Variants in ABCD3 observed in about 807,000 individuals in gnomAD.
The protein encoded by ABCD3 is ATP binding cassette subfamily D member 3, also known as ATP-binding cassette sub-family D member 3.
A neutral mutation model predicts 105.5 loss-of-function variants in ABCD3; 41 were observed. The observed-to-expected ratio is 0.39, with a 90% CI of 0.30 to 0.50. The LOEUF (loss-of-function observed/expected upper bound fraction) is 0.50, where lower values mean the gene tolerates loss of function less well. Ranked by LOEUF, ABCD3 falls within the 20% of genes least tolerant of loss-of-function variation. The pLI is 0.84. For missense variants in ABCD3, 622 were observed against 806.3 expected (o/e 0.77, Z 2.77); for synonymous variants, 258 against 269.0 (o/e 0.96, Z 0.40).
At chr1:94,409,172 A>C in the ABCD3 span, among the ~76,000 whole-genome samples, 8 of 152,196 alleles carry the variant, frequency 5.3e-5, no homozygotes, top group African/African-American at 1.9e-4. Flanking sequence ...CAGCGTGATT[A>C]TAGTAAAAAA....
intron 20 of ABCD3, among the ~76,000 whole-genome samples, chr1:94,505,875 CAG>C (rs1650327207): frequency 6.6e-6 from 1 of 152,160 alleles, no homozygotes; most frequent in East Asian, 1.9e-4. Context: ...GAGATCTTGT[CAG>C]GGGGCAGATG....
chr1:94,458,861 G>A (rs112965741), intron 2 of ABCD3, among the ~76,000 whole-genome samples: 6 of 152,002 alleles, frequency 3.9e-5, no homozygotes, highest in African/African-American at 1.4e-4. Context: ...AGCCCATGAT[G>A]ATATTAGTTT....
intron 16 of ABCD3, among the ~76,000 whole-genome samples, chr1:94,492,477 T>C (rs564270174): frequency 6.6e-6 from 1 of 152,306 alleles, no homozygotes; most frequent in African/African-American, 2.4e-5. Context: ...TCTATCGTTA[T>C]CATATTTATT....
At chr1:94,452,835 CAAGT>C (rs1378041886) in intron 1 of ABCD3, among the ~76,000 whole-genome samples, 1 of 152,068 alleles carries the variant, frequency 6.6e-6, no homozygotes, top group African/African-American at 2.4e-5. Flanking sequence ...CTCCCAGGTT[CAAGT>C]GATTCTCATG....
At chr1:94,430,430 A>G (rs1254653477) in intron 1 of ABCD3, among the ~76,000 whole-genome samples, 1 of 152,168 alleles carries the variant, frequency 6.6e-6, no homozygotes, top group African/African-American at 2.4e-5. Context: ...CTCATCTTGA[A>G]TTCCCAGTGT....
chr1:94,437,609 G>C (rs999562312), intron 1 of ABCD3, among the ~76,000 whole-genome samples: 1 of 152,214 alleles, frequency 6.6e-6, no homozygotes, highest in East Asian at 1.9e-4. Context: ...GATTAATGTT[G>C]TTTTCATGAC....
At chr1:94,490,005 A>G (rs558987767) in intron 15 of ABCD3, 30 bp downstream of exon 15, 5 of 1,578,874 alleles carry the variant, frequency 3.2e-6, no homozygotes, top group African/African-American at 2.7e-5. Context: ...TTTTAGCACC[A>G]TAAATGTTTG....
chr1:94,464,125 AATTT>A (rs1262654382), intron 2 of ABCD3, among the ~76,000 whole-genome samples: 5 of 151,928 alleles, frequency 3.3e-5, no homozygotes, highest in African/African-American at 1.2e-4. Context: ...TGTCTGTAAT[AATTT>A]ATTTATTGGT....
chr1:94,456,090 A>G (rs980968533), intron 1 of ABCD3, among the ~76,000 whole-genome samples: 2 of 151,084 alleles, frequency 1.3e-5, no homozygotes, highest in Non-Finnish European at 2.9e-5. Context: ...ATTTCCCCCA[A>G]CCCCTGAGCC....
At chr1:94,407,311 C>T in the ABCD3 span, among the ~76,000 whole-genome samples, 1 of 151,862 alleles carries the variant, frequency 6.6e-6, no homozygotes, top group African/African-American at 2.4e-5. Context: ...CCACCATGCC[C>T]GGCTAATTTT....
the ABCD3 span, among the ~76,000 whole-genome samples, chr1:94,402,895 T>G: frequency 6.6e-6 from 1 of 151,804 alleles, no homozygotes; most frequent in Non-Finnish European, 1.5e-5. Flanking sequence ...GCTGGTGCGC[T>G]GCACCCATTA....
At chr1:94,435,936 G>A (rs888331819) in intron 1 of ABCD3, among the ~76,000 whole-genome samples, 1 of 152,186 alleles carries the variant, frequency 6.6e-6, no homozygotes, top group Non-Finnish European at 1.5e-5. Flanking sequence ...TTGGACCAAT[G>A]GGAGCCTCTT....
the ABCD3 span, among the ~76,000 whole-genome samples, chr1:94,391,483 A>C: frequency 6.6e-6 from 1 of 152,232 alleles, no homozygotes; most frequent in South Asian, 2.1e-4. Flanking sequence ...CATCACTCTA[A>C]CAGGCCTGCC....
At position 94,478,281 on chromosome 1, in the gene ABCD3, A is replaced by T. The variant is rs772216308; in HGVS notation, c.650A>T (p.Tyr217Phe). 6.2e-7 allele frequency: 1 copy of T among 1,601,748 alleles called. No individual in the cohort carries two copies. The highest frequency in any genetic ancestry group is 8.5e-7 in the Non-Finnish European group (1 of 1,170,818). The change falls in exon 8 of 23, where the codon TAT (tyrosine) becomes TTT (phenylalanine). Residue 217 changes from tyrosine (Y) to phenylalanine (F), a missense_variant. By Grantham distance (22) the Tyr-to-Phe change is conservative. This residue lies in a region of ABCD3 where 245 missense variants were observed against 356.4 expected (regional missense o/e 0.69). Transcript: ENST00000370214. ...CAGCCATTTTTAGACATAGTTTTGTATATCTTTAAGTTAACGAGTGCAATT... is the reference window on the plus strand; with the variant it reads ...CAGCCATTTTTAGACATAGTTTTGTTTATCTTTAAGTTAACGAGTGCAATT... ...LSKPFLDIVL[Y>F]IFKLTSAIGA...
At chr1:94,500,507 A>G (rs1305357627) in intron 20 of ABCD3, among the ~76,000 whole-genome samples, 6 of 152,172 alleles carry the variant, frequency 3.9e-5, no homozygotes, top group Admixed American at 6.5e-5. Flanking sequence ...AAGAGGGGCA[A>G]CTTCATAAAG....
intron 20 of ABCD3, among the ~76,000 whole-genome samples, chr1:94,500,628 C>G (rs2101044329): frequency 6.6e-6 from 1 of 152,170 alleles, no homozygotes; most frequent in South Asian, 2.1e-4. Context: ...GGAAAGAAAG[C>G]AAAAGAAATT....
intron 16 of ABCD3, among the ~76,000 whole-genome samples, chr1:94,496,338 G>A (rs1322880884): frequency 6.6e-6 from 1 of 152,102 alleles, no homozygotes; most frequent in East Asian, 1.9e-4. Context: ...AAGTCATACA[G>A]CATTTGTCCT....
chr1:94,446,806 A>G lies in ABCD3; in HGVS notation c.111-11801A>G, dbSNP rs192672823. On this transcript the variant is annotated intron_variant, in intron 1 of 22. Transcript: ENST00000370214. ...TTGGTAAAGCCCCTGAAGTATATCA[A>G]AGTAGTTATATTTTGCATTATGAAG... 4.0e-3 allele frequency among the ~76,000 whole-genome samples: 603 copies of G among 152,288 alleles called. 1 individual carries two copies. Among genetic ancestry groups the G allele is most frequent in the Non-Finnish European group, 6.9e-3 (466 of 68,018 alleles).
At chr1:94,420,571 A>G (rs978800742) in intron 1 of ABCD3, among the ~76,000 whole-genome samples, 6 of 152,166 alleles carry the variant, frequency 3.9e-5, no homozygotes, top group African/African-American at 1.4e-4. Context: ...TTTACACAGT[A>G]TTTTGTTGGA....
Sources: allele counts gnomAD v4.1 joint callset (sites outside exome capture counted in the v4.1 genomes callset), GRCh38; gene constraint gnomAD v4.1.1; regional missense constraint gnomAD v4.1.1; transcripts MANE v1.5; gene names NCBI Gene and HGNC (gene_info 2026-07-23, HGNC 2026-07-21).